The following CD40 variants were observed in gnomAD, a reference collection of about 807,000 sequenced individuals.
CD40 encodes CD40 molecule.
In CD40, 19 loss-of-function variants were observed where a neutral mutation model predicts 38.5. The ratio of observed to expected loss-of-function variants is 0.49; its 90% CI spans 0.34 to 0.72. CD40 has a LOEUF of 0.72. Among genes scored for constraint, CD40 ranks in the 30% least tolerant of loss-of-function variants. The pLI, the probability that CD40 is intolerant of heterozygous loss-of-function variation, is 0.01. For missense variants in CD40, 256 were observed against 344.1 expected (o/e 0.74, Z 2.03); for synonymous variants, 130 against 128.7 (o/e 1.01, Z -0.07).
chr20:46,128,612 TG>T (rs1439351298), intron 8 of CD40: 1 of 697,734 alleles, frequency 1.4e-6, no homozygotes. Context: ...ATTCAACGCG[TG>T]GGGAGCTGCA....
Position 46,129,596 on chromosome 20 carries a change from C to G in CD40, c.*556C>G, listed in dbSNP as rs2085516569. 1.2e-5 allele frequency: 2 copies of G among 170,554 alleles called. No homozygotes were observed. Among genetic ancestry groups the G allele is most frequent in the Admixed American group, 1.1e-4 (2 of 18,340 alleles). 10.6% of individuals were successfully genotyped at this position (170,554 alleles called of 1,614,324 possible). A position where few individuals can be genotyped will look rare whatever the true frequency, so the allele number is the denominator to read the frequency against. On this transcript the variant is annotated 3_prime_UTR_variant, in exon 9 of 9. Transcript: ENST00000372285. ...GGGTATGGAACTTTTTAAAAAAGTA[C>G]ATGCTTTTATGTATGTATATTGCCT...
At position 46,122,888 on chromosome 20, in the gene CD40, C is replaced by T. The variant is rs1294804073; in HGVS notation, c.403+132C>T. On this transcript the variant is annotated intron_variant, in intron 4 of 8. Transcript: ENST00000372285. The surrounding 1 kb of genome is among the most constrained non-coding windows in gnomAD (Gnocchi z 5.0). ...AGGCTCCAACCTATGTCGGTATCCC[C>T]ACTGGAGTGAGCTGCAGACGGGACC... 1 of 1,187,580 alleles carries T rather than the reference C, an allele frequency of 8.4e-7. No individual in the cohort carries two copies. The highest frequency in any genetic ancestry group is 1.5e-5 in the African/African-American group (1 of 65,998). 73.6% of individuals were successfully genotyped at this position (1,187,580 alleles called of 1,614,324 possible).
chr20:46,121,639 T>A, intron 1 of CD40, 181 bp from the exon 2 acceptor site: 1 of 679,704 alleles, frequency 1.5e-6, no homozygotes, highest in Non-Finnish European at 2.7e-6. Flanking sequence ...GGTGCGATTA[T>A]AATCAGCTCA....
At chr20:46,126,883 G>A (rs1600664699) in intron 6 of CD40, 182 bp downstream of exon 6, 5 of 961,094 alleles carry the variant, frequency 5.2e-6, no homozygotes, top group Non-Finnish European at 3.1e-6. Context: ...CTTAGCCTCA[G>A]TTTCTTCATC....
In CD40 at chr20:46,122,426, A is replaced by G; in HGVS notation, c.256+68A>G. On this transcript the variant is annotated intron_variant, in intron 3 of 8. Transcript: ENST00000372285. The surrounding 1 kb of genome is among the most constrained non-coding windows in gnomAD (Gnocchi z 5.0). ...ATATTCCCGACAATGCAGCCATTCT[A>G]ATTTTATGTAGCCAGGGTCTGCTCT... 6.2e-7 allele frequency: 1 copy of G among 1,608,970 alleles called. No homozygotes were observed. Among genetic ancestry groups the G allele is most frequent in the Non-Finnish European group, 8.5e-7 (1 of 1,176,506 alleles).
rs1243468569 is a variant in CD40 at position 46,128,968 on chromosome 20, T to G, written c.762T>G (p.Thr254=). The change falls in exon 9 of 9, where the codon ACT becomes ACG. Residue 254 remains threonine (T), a synonymous_variant. Coordinates refer to ENST00000372285, the MANE Select transcript of CD40 (RefSeq NM_001250.6). ...ACACTGCTGCTCCAGTGCAGGAGAC[T>G]TTACATGGATGCCAACCGGTCACCC... ...GSNTAAPVQE[T]LHGCQPVTQE... The G allele has an allele frequency of 1.9e-6, 3 of 1,614,062 alleles. No homozygotes were observed. The African/African-American group carries it at 4.0e-5, about 22-fold the overall frequency.
At chr20:46,121,440 C>T (rs1199250646) in intron 1 of CD40, among the ~76,000 whole-genome samples, 1 of 152,156 alleles carries the variant, frequency 6.6e-6, no homozygotes, top group Non-Finnish European at 1.5e-5. Flanking sequence ...TAGCCCCAAA[C>T]AGCACTGGGA....
intron 8 of CD40, 164 bp downstream of exon 8, chr20:46,128,522 C>G (rs759022099): frequency 5.0e-6 from 4 of 800,426 alleles, no homozygotes; most frequent in Non-Finnish European, 6.4e-6. Flanking sequence ...TCCTTCCATC[C>G]AGAGCTCAAT....
intron 2 of CD40, 101 bp downstream of exon 2, chr20:46,121,999 C>A: frequency 8.9e-7 from 1 of 1,120,248 alleles, no homozygotes; most frequent in Non-Finnish European, 1.4e-6. Context: ...TGAAACGACC[C>A]ATTTCCCAGC....
In CD40 at chr20:46,128,159, C is replaced by G. The variant is rs1289024026; in HGVS notation, c.581C>G (p.Ala194Gly). 3 of 1,613,866 alleles carry G rather than the reference C, an allele frequency of 1.9e-6. No individual in the cohort carries two copies. Among genetic ancestry groups the G allele is most frequent in the Admixed American group, 1.7e-5 (1 of 59,988 alleles). The change falls in exon 7 of 9, where the codon GCC becomes GGC. Residue 194 changes from alanine to glycine, a missense_variant. Coordinates refer to ENST00000372285, the MANE Select transcript of CD40 (RefSeq NM_001250.6). ...CCAGGTCCCCAGGATCGGCTGAGAG[C>G]CCTGGTGGTGATCCCCATCATCTTC... ...VVCGPQDRLR[A>G]LVVIPIIFGI... is the part of the protein sequence containing the mutation.
intron 8 of CD40, chr20:46,128,619 C>T (rs1280829259): frequency 5.8e-6 from 4 of 693,572 alleles, no homozygotes; most frequent in Non-Finnish European, 1.0e-5. Context: ...GCGTGGGGAG[C>T]TGCATCTTTG....
chr20:46,121,710 G>T, intron 1 of CD40, 110 bp from the exon 2 acceptor site: 1 of 837,886 alleles, frequency 1.2e-6, no homozygotes, highest in South Asian at 1.3e-5. Flanking sequence ...TTTCTGTTTT[G>T]ACTTGCACTT....
Position 46,121,873 on chromosome 20 carries a change from T to C in CD40, c.105T>C (p.Ser35=). ...GAGAAAAACAGTACCTAATAAACAG[T>C]CAGTGCTGTTCTTTGTGCCAGCCAG... The part of the protein sequence containing the change: ...ACREKQYLIN[S]QCCSLCQPGQ... The change falls in exon 2 of 9, where the codon AGT becomes AGC. Residue 35 remains serine (S), a synonymous_variant. Transcript: ENST00000372285. 6.2e-7 allele frequency: 1 copy of C among 1,614,090 alleles called. No individual in the cohort carries two copies. Among genetic ancestry groups the C allele is most frequent in the Non-Finnish European group, 8.5e-7 (1 of 1,179,950 alleles).
At chr20:46,126,891 A>G in intron 6 of CD40, 190 bp downstream of exon 6, 1 of 886,006 alleles carries the variant, frequency 1.1e-6, no homozygotes, top group African/African-American at 1.7e-5. Flanking sequence ...CAGTTTCTTC[A>G]TCTGTAAAAT....
In CD40 at chr20:46,128,303, C is replaced by T. The variant is rs11569339; in HGVS notation, c.647-27C>T. ...TTATCTGGCCTCTCCAACTCCCCAT[C>T]CTTTTTTTTTTTTTTTTTTTTTTTA... is the stretch of plus-strand genomic sequence containing the variant. On this transcript the variant is annotated intron_variant, in intron 7 of 8. Coordinates refer to ENST00000372285, the MANE Select transcript of CD40 (RefSeq NM_001250.6). The T allele has an allele frequency of 5.8e-4, 787 of 1,354,534 alleles. 6 individuals are homozygous for T. In the African/African-American group the frequency reaches 0.01, roughly 18 times the overall value. 83.9% of individuals were successfully genotyped at this position (1,354,534 alleles called of 1,614,324 possible).
At chr20:46,118,753 G>A (rs1178594011) in intron 1 of CD40, among the ~76,000 whole-genome samples, 2 of 152,180 alleles carry the variant, frequency 1.3e-5, no homozygotes, top group Non-Finnish European at 2.9e-5. Flanking sequence ...GGTCTGGCCC[G>A]TTTCCTGTCC....
chr20:46,128,291 C>T (rs745937396), intron 7 of CD40, 39 bp from the exon 8 acceptor site: 5 of 1,602,194 alleles, frequency 3.1e-6, no homozygotes, highest in East Asian at 2.2e-5. Context: ...TCTGGCCTCT[C>T]CAACTCCCCA....
In CD40 at chr20:46,124,751, G is replaced by GTTTTTTTTTTTTTTTTT. The variant is rs780015926; in HGVS notation, c.497+1549_497+1565dup. ...GATAACTGGAGGCACCACTGGTATA[G>GTTTTTTTTTTTTTTTTT]TTTTTTTTTTTTTTTTTTTTTTTTT... On this transcript the variant is annotated intron_variant, in intron 5 of 8. Transcript: ENST00000372285. Among the ~76,000 whole-genome samples, 5 of 73,964 alleles carry GTTTTTTTTTTTTTTTTT rather than the reference G, an allele frequency of 6.8e-5. 1 individual carries two copies. The highest frequency in any genetic ancestry group is 9.8e-5 in the Non-Finnish European group (4 of 40,982). 48.5% of individuals were successfully genotyped at this position (73,964 alleles called of 152,430 possible). A position where few individuals can be genotyped will look rare whatever the true frequency, so the allele number is the denominator to read the frequency against.
In CD40 at chr20:46,122,665, C is replaced by A; in HGVS notation, c.312C>A (p.Thr104=). The change falls in exon 4 of 9, where the codon ACC becomes ACA. Residue 104 remains threonine, a synonymous_variant. Coordinates refer to ENST00000372285, the MANE Select transcript of CD40 (RefSeq NM_001250.6). This position sits in a 1 kb window ranked among gnomAD's most constrained non-coding sequence, Gnocchi z 5.0. ...CCTCAGAAACAGACACCATCTGCAC[C>A]TGTGAAGAAGGCTGGCACTGTACGA... ...KGTSETDTIC[T]CEEGWHCTSE... 1 of 1,614,132 alleles carries A rather than the reference C, an allele frequency of 6.2e-7. No homozygotes were observed. Among genetic ancestry groups the A allele is most frequent in the Non-Finnish European group, 8.5e-7 (1 of 1,180,024 alleles).
Sources: allele counts gnomAD v4.1 joint callset (sites outside exome capture counted in the v4.1 genomes callset), GRCh38; gene constraint gnomAD v4.1.1; non-coding constraint Gnocchi (gnomAD v3.1); transcripts MANE v1.5; gene names NCBI Gene and HGNC (gene_info 2026-07-23, HGNC 2026-07-21).